BTK: variants seen among roughly 807,000 people sequenced by gnomAD.
BTK encodes tyrosine-protein kinase BTK.
A neutral mutation model predicts 57.4 loss-of-function variants in BTK; 5 were observed. The ratio of observed to expected loss-of-function variants is 0.09; its 90% CI spans 0.05 to 0.18. BTK has a LOEUF of 0.18. BTK is among the 10% of genes least tolerant of loss of function. The pLI, the probability that BTK is intolerant of heterozygous loss-of-function variation, is 1.00. For synonymous variants in BTK, 154 were observed against 174.3 expected, an observed-to-expected ratio of 0.88 and a Z score of 0.92; for missense variants, 194 against 501.2, an observed-to-expected ratio of 0.39 and a Z score of 5.85.
In BTK at chrX:101,374,578, T is replaced by G; in HGVS notation, c.198A>C (p.Thr66=). ...GAGGAGGATTTTTTTCAGGAACCAC[T>G]GTTTCAACACAAGTGATCTTCTCAA... ...IDVEKITCVE[T]VVPEKNPPPE... The change falls in exon 3 of 19, where the codon ACA becomes ACC. Residue 66 remains threonine (T), a synonymous_variant. Transcript: ENST00000308731. 8.3e-7 allele frequency: 1 copy of G among 1,211,712 alleles called. No homozygotes were observed. The highest frequency in any genetic ancestry group is 1.1e-6 in the Non-Finnish European group (1 of 895,275).
intron 18 of BTK, chrX:101,352,916 AT>A: frequency 1.6e-5 from 4 of 249,616 alleles, no homozygotes; most frequent in East Asian, 8.5e-5. Context: ...AAAAAAAAAA[AT>A]TAGCTTGGTG....
chrX:101,357,318 T>C (rs1603005467), intron 13 of BTK, among the ~76,000 whole-genome samples, 191 bp downstream of exon 13: 1 of 111,867 alleles, frequency 8.9e-6, no homozygotes, highest in African/African-American at 3.2e-5. Context: ...TGAATCTATG[T>C]TTTTGCAGTC....
At chrX:101,353,093 A>T in intron 18 of BTK, 101 bp downstream of exon 18, 5 of 812,318 alleles carry the variant, frequency 6.2e-6, no homozygotes, top group Non-Finnish European at 8.9e-6. Context: ...AAAGGAAAAA[A>T]AAGAATGTGT....
intron 1 of BTK, among the ~76,000 whole-genome samples, chrX:101,384,947 T>C (rs1019576925): frequency 9.0e-6 from 1 of 111,608 alleles, no homozygotes; most frequent in African/African-American, 3.3e-5. Flanking sequence ...CTGGGGGACA[T>C]TGGCAGGTCT....
At position 101,368,175 on chromosome X, in the gene BTK, G is replaced by T. The variant is rs139714882; in HGVS notation, c.391+1823C>A. Among the ~76,000 whole-genome samples the T allele has an allele frequency of 7.8e-3, 868 of 111,720 alleles. 5 individuals are homozygous for T. The highest frequency in any genetic ancestry group is 0.027 in the African/African-American group (823 of 30,786). On this transcript the variant is annotated intron_variant, in intron 5 of 18. Coordinates refer to ENST00000308731, the MANE Select transcript of BTK (RefSeq NM_000061.3). ...GGATGACAAGATAACTGCCTCATAT[G>T]GTTAATACAAAGTTAATATATGTAA... is the stretch of plus-strand genomic sequence containing the variant.
intron 1 of BTK, among the ~76,000 whole-genome samples, chrX:101,384,652 G>C (rs1927558909): frequency 9.0e-6 from 1 of 110,540 alleles, no homozygotes; most frequent in South Asian, 3.8e-4. Flanking sequence ...ATAGCCATAC[G>C]CAATGGAAAT....
rs199808948 is a variant in BTK, at chrX:101,362,256, C to G, written c.521-16G>C. 1.5e-5 allele frequency: 18 copies of G among 1,207,443 alleles called. No individual in the cohort carries two copies. In the African/African-American group the frequency reaches 2.8e-4, roughly 19 times the overall value. ...GGTTTTAAGCCTGCAAAACAAGAAGCCAGTGATGATATGGAATGCACTTTA... is the reference window on the plus strand; with the variant it reads ...GGTTTTAAGCCTGCAAAACAAGAAGGCAGTGATGATATGGAATGCACTTTA... On this transcript the variant is annotated splice_polypyrimidine_tract_variant and intron_variant, in intron 6 of 18. Coordinates refer to ENST00000308731, the MANE Select transcript of BTK (RefSeq NM_000061.3).
chrX:101,350,972 A>G (rs1286079305), intron 18 of BTK, among the ~76,000 whole-genome samples: 4 of 112,023 alleles, frequency 3.6e-5, no homozygotes, highest in Non-Finnish European at 7.5e-5. Flanking sequence ...ATAGCTAATC[A>G]GAATTTCTGG....
chrX:101,356,704 C>T, intron 14 of BTK, 80 bp downstream of exon 14: 1 of 1,136,243 alleles, frequency 8.8e-7, no homozygotes, highest in Middle Eastern at 2.5e-4. Flanking sequence ...TGTAAGTCAT[C>T]TTTAAGCCTC....
chrX:101,375,053 C>T, intron 2 of BTK, 91 bp downstream of exon 2: 3 of 1,121,104 alleles, frequency 2.7e-6, no homozygotes, highest in Non-Finnish European at 3.7e-6. Flanking sequence ...TCCCCTCCTC[C>T]TACCAACGAA....
chrX:101,353,384 G>A (rs2147424336), intron 17 of BTK, 33 bp from the exon 18 acceptor site: 1 of 1,193,068 alleles, frequency 8.4e-7, no homozygotes, highest in South Asian at 1.8e-5. Context: ...AAATTGGTTT[G>A]CAGTCTTTTT....
In BTK at chrX:101,371,545, C is replaced by T. The variant is rs782179620; in HGVS notation, c.309+88G>A. ...CCTCAACTTCTATTCACTGGGTCCT[C>T]GTAGCCTTCCCTCTGCCCTGCACCC... On this transcript the variant is annotated intron_variant, in intron 4 of 18. Transcript: ENST00000308731. The T allele has an allele frequency of 2.8e-5, 23 of 811,857 alleles. No homozygotes were observed. In the South Asian group the frequency reaches 3.7e-4, roughly 13 times the overall value. The allele number at this position is 811,857 out of a possible 1,213,427, so 66.9% of individuals were successfully genotyped here.
At chrX:101,380,145 C>T (rs1927363951) in intron 1 of BTK, among the ~76,000 whole-genome samples, 1 of 111,556 alleles carries the variant, frequency 9.0e-6, no homozygotes, top group African/African-American at 3.3e-5. Context: ...CTCACTCTGT[C>T]ACCCAGGATG....
At chrX:101,373,722 G>A (rs782070200) in intron 3 of BTK, among the ~76,000 whole-genome samples, 3 of 111,355 alleles carry the variant, frequency 2.7e-5, no homozygotes, top group Admixed American at 9.6e-5. Flanking sequence ...TAATAAATAC[G>A]CAATTCTCCT....
chrX:101,382,222 G>A (rs782281030), intron 1 of BTK, among the ~76,000 whole-genome samples: 18 of 110,532 alleles, frequency 1.6e-4, no homozygotes, highest in African/African-American at 5.9e-4. Context: ...CTCAATTTTC[G>A]AAAGCTGCAT....
rs782641454 is a variant in BTK, at chrX:101,384,760, C to T, written c.-31+1302G>A. 2.9e-4 allele frequency among the ~76,000 whole-genome samples: 32 copies of T among 112,030 alleles called. No homozygotes were observed. The South Asian group carries it at 0.012, about 42-fold the overall frequency. On this transcript the variant is annotated intron_variant, in intron 1 of 18. Transcript: ENST00000308731. ...TAAGGGACACTGTTTGGGTATAATG[C>T]TTTAGGTTGCCATGAGTATTTGCAT... is the stretch of plus-strand genomic sequence containing the variant.
intron 18 of BTK, 92 bp downstream of exon 18, chrX:101,353,102 G>T: frequency 5.2e-5 from 39 of 754,237 alleles, no homozygotes; most frequent in Non-Finnish European, 7.0e-5. Flanking sequence ...AAAAGAATGT[G>T]TGCAGCTATC....
At chrX:101,374,361 T>C in intron 3 of BTK, 175 bp downstream of exon 3, 1 of 485,653 alleles carries the variant, frequency 2.1e-6, no homozygotes, top group Non-Finnish European at 3.6e-6. Flanking sequence ...GTTCTGAATA[T>C]GAAGGAAAGA....
At chrX:101,377,705 A>G (rs994375196) in intron 1 of BTK, among the ~76,000 whole-genome samples, 31 of 111,284 alleles carry the variant, frequency 2.8e-4, no homozygotes, top group Admixed American at 2.2e-3. Flanking sequence ...TCTCTCAAGT[A>G]TCTGTGTTTG....
Sources: allele counts gnomAD v4.1 joint callset (sites outside exome capture counted in the v4.1 genomes callset), GRCh38; gene constraint gnomAD v4.1.1; transcripts MANE v1.5; gene names NCBI Gene and HGNC (gene_info 2026-07-23, HGNC 2026-07-21).